TXNRD1: variants seen among roughly 807,000 people sequenced by gnomAD.
TXNRD1 encodes thioredoxin reductase 1.
TXNRD1 carries 57 observed loss-of-function variants against 80.3 expected under a neutral mutation model. That is an observed-to-expected ratio of 0.71 (90% CI 0.57 to 0.89). TXNRD1 has a LOEUF of 0.89. TXNRD1 is among the 40% of genes least tolerant of loss of function. The pLI, the probability that TXNRD1 is intolerant of heterozygous loss-of-function variation, is 0.00. For missense variants in TXNRD1, 730 were observed against 803.0 expected (o/e 0.91, Z 1.10); for synonymous variants, 291 against 285.2 (o/e 1.02, Z -0.20).
chr12:104,304,000 C>T, intron 4 of TXNRD1: 1 of 1,610,316 alleles, frequency 6.2e-7, no homozygotes. Flanking sequence ...GGGAGGCCGA[C>T]GTAGACCCAA....
chr12:104,251,752 A>G, intron 2 of TXNRD1, 74 bp downstream of exon 2: 1 of 1,535,390 alleles, frequency 6.5e-7, no homozygotes, highest in Non-Finnish European at 8.9e-7. Context: ...AATGTAAACA[A>G]CTGGATTTTA....
In TXNRD1 at chr12:104,321,158, T is replaced by C; in HGVS notation, c.1057T>C (p.Leu353=). ...TLVVGASYVA[L]ECAGFLAGIG... ...GGTTGTTGGAGCATCCTATGTCGCTTTGGAGTGCGCTGGATTTCTTGCTGG... is the reference window on the plus strand; with the variant it reads ...GGTTGTTGGAGCATCCTATGTCGCTCTGGAGTGCGCTGGATTTCTTGCTGG... Residue 353 remains leucine, a synonymous_variant, in exon 10 of 17, where the codon TTG becomes CTG. Transcript: ENST00000525566. The C allele has an allele frequency of 6.2e-7, 1 of 1,613,814 alleles. No homozygotes were observed. The highest frequency in any genetic ancestry group is 1.6e-4 in the Middle Eastern group (1 of 6,062).
chr12:104,255,122 A>T (rs1223521727), intron 2 of TXNRD1, among the ~76,000 whole-genome samples: 3 of 152,210 alleles, frequency 2.0e-5, no homozygotes, highest in Middle Eastern at 3.4e-3. Context: ...TAAATAAAAA[A>T]AATAAAAATT....
At chr12:104,223,123 G>C (rs1365350775) in intron 1 of TXNRD1, among the ~76,000 whole-genome samples, 1 of 152,174 alleles carries the variant, frequency 6.6e-6, no homozygotes. Flanking sequence ...AGCTATGGCT[G>C]CCTTGAGATT....
intron 1 of TXNRD1, among the ~76,000 whole-genome samples, chr12:104,249,073 C>CA (rs2033056703): frequency 6.6e-6 from 1 of 152,182 alleles, no homozygotes; most frequent in South Asian, 2.1e-4. Context: ...GCTGGTAAAA[C>CA]AAAATAACAT....
At chr12:104,286,586 GTTTTT>G in intron 3 of TXNRD1, 1 of 314,056 alleles carries the variant, frequency 3.2e-6, no homozygotes, top group Non-Finnish European at 4.5e-6. Context: ...CACCTTTGGA[GTTTTT>G]TTTTTTTTTT....
chr12:104,329,592 T>G (rs900781928), intron 13 of TXNRD1, among the ~76,000 whole-genome samples: 16 of 151,740 alleles, frequency 1.1e-4, no homozygotes, highest in African/African-American at 3.9e-4. Context: ...AAGGCTGCAG[T>G]GAGCTGTGAT....
chr12:104,249,955 A>AAAAAG (rs1555207265), intron 1 of TXNRD1, among the ~76,000 whole-genome samples: 3 of 150,276 alleles, frequency 2.0e-5, no homozygotes, highest in Non-Finnish European at 1.5e-5. Context: ...AAAAAAAAAA[A>AAAAAG]GTGAAAGCTT....
At chr12:104,295,447 T>G (rs111599644) in intron 4 of TXNRD1, among the ~76,000 whole-genome samples, 7 of 152,300 alleles carry the variant, frequency 4.6e-5, no homozygotes, top group African/African-American at 1.7e-4. Flanking sequence ...TGATTGCTAC[T>G]CGCTGGCCCC....
intron 1 of TXNRD1, among the ~76,000 whole-genome samples, chr12:104,221,765 G>A (rs1232140715): frequency 6.6e-6 from 1 of 152,186 alleles, no homozygotes; most frequent in Non-Finnish European, 1.5e-5. Context: ...GACAGTGTCT[G>A]TTAGATGAAA....
At chr12:104,250,533 C>A (rs1406671148) in intron 1 of TXNRD1, among the ~76,000 whole-genome samples, 1 of 151,998 alleles carries the variant, frequency 6.6e-6, no homozygotes. Flanking sequence ...AGCTGTGCAA[C>A]CCTGAGGAAG....
chr12:104,299,190 T>C (rs2034531218), intron 4 of TXNRD1, among the ~76,000 whole-genome samples: 3 of 152,186 alleles, frequency 2.0e-5, no homozygotes, highest in Admixed American at 2.0e-4. Context: ...ATCTGTGCAA[T>C]TCAAAGCTGT....
At chr12:104,322,475 A>G (rs959049098) in intron 10 of TXNRD1, among the ~76,000 whole-genome samples, 9 of 141,098 alleles carry the variant, frequency 6.4e-5, no homozygotes, top group African/African-American at 2.4e-4. Flanking sequence ...CTGCCTCCCA[A>G]GTTCAAGCGA....
intron 2 of TXNRD1, among the ~76,000 whole-genome samples, chr12:104,255,609 A>G (rs756118122): frequency 1.1e-4 from 17 of 152,252 alleles, no homozygotes; most frequent in Non-Finnish European, 2.2e-4. Flanking sequence ...CCTGACCAAC[A>G]TGGAGAAACC....
At chr12:104,320,156 G>C (rs1328451273) in intron 9 of TXNRD1, among the ~76,000 whole-genome samples, 2 of 152,168 alleles carry the variant, frequency 1.3e-5, no homozygotes, top group Non-Finnish European at 2.9e-5. Context: ...ATTTTTGCCC[G>C]TCAAATGGTA....
At chr12:104,301,154 G>C (rs1361555492) in intron 4 of TXNRD1, among the ~76,000 whole-genome samples, 1 of 152,180 alleles carries the variant, frequency 6.6e-6, no homozygotes, top group African/African-American at 2.4e-5. Flanking sequence ...AATGGTATTA[G>C]TAATACTTTA....
intron 16 of TXNRD1, chr12:104,339,564 A>C (rs1334128773): frequency 4.3e-6 from 2 of 464,592 alleles, no homozygotes; most frequent in African/African-American, 4.0e-5. Flanking sequence ...GCAATCAGTT[A>C]ATAATGGAAG....
At chr12:104,304,586 G>GA (rs764533697) in intron 4 of TXNRD1, 13 of 1,613,946 alleles carry the variant, frequency 8.1e-6, no homozygotes, top group Middle Eastern at 1.6e-4. Flanking sequence ...AGAAGCGACA[G>GA]AAAAAAACGT....
At chr12:104,274,513 C>T (rs759917996) in intron 3 of TXNRD1, among the ~76,000 whole-genome samples, 1 of 151,764 alleles carries the variant, frequency 6.6e-6, no homozygotes, top group African/African-American at 2.4e-5. Flanking sequence ...CTGGGCAACA[C>T]GGTGAAACCC....
Sources: allele counts gnomAD v4.1 joint callset (sites outside exome capture counted in the v4.1 genomes callset), GRCh38; gene constraint gnomAD v4.1.1; transcripts MANE v1.5; gene names NCBI Gene and HGNC (gene_info 2026-07-23, HGNC 2026-07-21).